Variants in AK4 observed in about 807,000 individuals in gnomAD.
AK4 encodes the protein adenylate kinase 4.
AK4 carries 13 observed loss-of-function variants against 24.6 expected under a neutral mutation model. That is an observed-to-expected ratio of 0.53 (90% CI 0.34 to 0.84). AK4 has a LOEUF of 0.84. Among genes scored for constraint, AK4 ranks in the 40% least tolerant of loss-of-function variants. AK4 has a pLI of 0.01. For synonymous variants in AK4, 88 were observed against 107.0 expected (o/e 0.82, Z 1.10); for missense variants, 192 against 288.2 (o/e 0.67, Z 2.42).
chr1:65,166,529 A>T (rs1384937444), intron 1 of AK4, among the ~76,000 whole-genome samples: 4 of 150,986 alleles, frequency 2.6e-5, no homozygotes, highest in African/African-American at 9.9e-5. Context: ...ATTGCTTTTT[A>T]AATTTTTTTT....
At chr1:65,153,641 C>T (rs965604379) in intron 1 of AK4, among the ~76,000 whole-genome samples, 2 of 151,852 alleles carry the variant, frequency 1.3e-5, no homozygotes, top group African/African-American at 2.4e-5. Flanking sequence ...AAATATAAAA[C>T]GGTAGAAGAA....
intron 1 of AK4, among the ~76,000 whole-genome samples, chr1:65,154,171 CTTG>C (rs761314606): frequency 1.3e-5 from 2 of 152,064 alleles, no homozygotes; most frequent in African/African-American, 4.8e-5. Context: ...GTGGTTTGAA[CTTG>C]TTGGTGGCAA....
intron 2 of AK4, among the ~76,000 whole-genome samples, chr1:65,197,472 G>C (rs941254498): frequency 6.6e-6 from 1 of 152,180 alleles, no homozygotes; most frequent in Non-Finnish European, 1.5e-5. Flanking sequence ...TTTAGCACGA[G>C]AGTCATCATT....
intron 2 of AK4, among the ~76,000 whole-genome samples, chr1:65,215,589 C>G (rs1379349273): frequency 1.3e-5 from 2 of 152,140 alleles, no homozygotes; most frequent in Non-Finnish European, 2.9e-5. Flanking sequence ...GCTTTAGGTA[C>G]CTGTTGCTTG....
At chr1:65,165,975 G>A (rs573688280) in intron 1 of AK4, 58 of 152,456 alleles carry the variant, frequency 3.8e-4, no homozygotes, top group African/African-American at 1.2e-3. Flanking sequence ...ATACCTGTGA[G>A]AAGTTTCAGG....
chr1:65,167,824 C>G (rs1459793136), intron 1 of AK4, among the ~76,000 whole-genome samples: 2 of 152,184 alleles, frequency 1.3e-5, no homozygotes, highest in African/African-American at 4.8e-5. Flanking sequence ...TCCCCTTATA[C>G]TGAGATGAAA....
At chr1:65,194,793 C>T (rs1557456545) in intron 2 of AK4, among the ~76,000 whole-genome samples, 1 of 152,138 alleles carries the variant, frequency 6.6e-6, no homozygotes, top group Non-Finnish European at 1.5e-5. Context: ...AGATTCAGAC[C>T]TTCCCTACAG....
At chr1:65,188,829 C>A (rs1233400082) in intron 1 of AK4, among the ~76,000 whole-genome samples, 1 of 151,966 alleles carries the variant, frequency 6.6e-6, no homozygotes, top group African/African-American at 2.4e-5. Context: ...GGCTGAAATG[C>A]AGTGGCACGA....
At chr1:65,190,642 A>G in intron 1 of AK4, 68 bp from the exon 2 acceptor site, 1 of 1,552,282 alleles carries the variant, frequency 6.4e-7, no homozygotes, top group Non-Finnish European at 8.7e-7. Context: ...AGGCAAAACT[A>G]AGAGTTGGTA....
chr1:65,226,006 A>G (rs748404457), intron 4 of AK4, 57 bp from the exon 5 acceptor site: 216 of 1,554,176 alleles, frequency 1.4e-4, no homozygotes, highest in Non-Finnish European at 1.8e-4. Flanking sequence ...GATCTTCTGC[A>G]CTAATACGTG....
chr1:65,225,447 A>G (rs1050012289), intron 4 of AK4, among the ~76,000 whole-genome samples: 3 of 152,194 alleles, frequency 2.0e-5, no homozygotes, highest in Non-Finnish European at 2.9e-5. Flanking sequence ...ACGCAGGCCA[A>G]TGATTCCCAT....
At chr1:65,209,989 G>T (rs1651922179) in intron 2 of AK4, among the ~76,000 whole-genome samples, 1 of 152,036 alleles carries the variant, frequency 6.6e-6, no homozygotes, top group Admixed American at 6.6e-5. Flanking sequence ...AAATTATTTT[G>T]TAGAGACAGG....
At chr1:65,164,289 G>A (rs563181689) in intron 1 of AK4, among the ~76,000 whole-genome samples, 1 of 152,196 alleles carries the variant, frequency 6.6e-6, no homozygotes, top group South Asian at 2.1e-4. Context: ...AGATGGAGTC[G>A]GTTAGGTCTG....
chr1:65,221,861 C>T (rs908966775), intron 3 of AK4, among the ~76,000 whole-genome samples: 1 of 152,208 alleles, frequency 6.6e-6, no homozygotes, highest in Admixed American at 6.5e-5. Context: ...CTAACCTAGA[C>T]CAGCTCTACC....
At chr1:65,177,894 C>G (rs944470274) in intron 1 of AK4, among the ~76,000 whole-genome samples, 2 of 151,710 alleles carry the variant, frequency 1.3e-5, no homozygotes, top group African/African-American at 2.4e-5. Flanking sequence ...TAATTTTCCT[C>G]AGTTATTCAA....
chr1:65,184,547 T>C (rs1651022807), intron 1 of AK4, among the ~76,000 whole-genome samples: 1 of 152,248 alleles, frequency 6.6e-6, no homozygotes, highest in Non-Finnish European at 1.5e-5. Context: ...GTGATGTGTG[T>C]GTGTGAACAC....
At chr1:65,186,319 G>A (rs1337972876) in intron 1 of AK4, among the ~76,000 whole-genome samples, 1 of 151,954 alleles carries the variant, frequency 6.6e-6, no homozygotes, top group Non-Finnish European at 1.5e-5. Flanking sequence ...TGTATTTTTA[G>A]TAGGGCAACG....
chr1:65,166,641 G>GGAGGTGGGAGGA (rs1650339697), intron 1 of AK4, among the ~76,000 whole-genome samples: 2 of 152,038 alleles, frequency 1.3e-5, no homozygotes, highest in African/African-American at 2.4e-5. Context: ...TCCCACCTCC[G>GGAGGTGGGAGGA]TTTCCCATGT....
At chr1:65,178,151 C>A (rs1253830612) in intron 1 of AK4, among the ~76,000 whole-genome samples, 2 of 152,124 alleles carry the variant, frequency 1.3e-5, no homozygotes, top group African/African-American at 4.8e-5. Context: ...AATTCTTCAT[C>A]TCAAGTAGAG....
Sources: allele counts gnomAD v4.1 joint callset (sites outside exome capture counted in the v4.1 genomes callset), GRCh38; gene constraint gnomAD v4.1.1; transcripts MANE v1.5; gene names NCBI Gene and HGNC (gene_info 2026-07-23, HGNC 2026-07-21).